Variants in ACYP2 observed in about 807,000 individuals in gnomAD.
ACYP2 encodes the protein acylphosphatase-2.
In ACYP2, 12 loss-of-function variants were observed where a neutral mutation model predicts 11.2. That is an observed-to-expected ratio of 1.08 (90% CI 0.69 to 1.74). The LOEUF (loss-of-function observed/expected upper bound fraction) is 1.74. ACYP2 is among the 40% of genes most tolerant of loss of function. The probability of loss-of-function intolerance (pLI) is 0.00; values close to 1 mark genes in which losing one functional copy is unlikely to be tolerated. For missense variants in ACYP2, 134 were observed against 101.9 expected, an observed-to-expected ratio of 1.31 and a Z score of -1.35; for synonymous variants, 43 against 32.2, an observed-to-expected ratio of 1.33 and a Z score of -1.13.
chr2:54,261,054 T>G (rs1369316766), intron 6 of ACYP2, among the ~76,000 whole-genome samples: 1 of 152,168 alleles, frequency 6.6e-6, no homozygotes, highest in Non-Finnish European at 1.5e-5. Context: ...CCTTTAGAAT[T>G]TTATATTTCT....
intron 4 of ACYP2, among the ~76,000 whole-genome samples, chr2:54,110,971 G>A (rs993058716): frequency 2.0e-5 from 3 of 152,016 alleles, no homozygotes; most frequent in Non-Finnish European, 4.4e-5. Context: ...CACTGGTAGG[G>A]CAGAGATATG....
At chr2:54,124,094 C>A (rs13421534) in intron 4 of ACYP2, among the ~76,000 whole-genome samples, 3,813 of 152,204 alleles carry the variant, frequency 0.025, 155 homozygotes, top group African/African-American at 0.088. Context: ...CACAAAAGGA[C>A]ACATTACAAA....
At chr2:54,174,032 T>C (rs1261098404) in intron 6 of ACYP2, among the ~76,000 whole-genome samples, 3 of 152,218 alleles carry the variant, frequency 2.0e-5, no homozygotes, top group African/African-American at 7.2e-5. Context: ...TTTGGTTCCA[T>C]ATGAACTTTA....
intron 2 of ACYP2, among the ~76,000 whole-genome samples, chr2:53,979,307 A>G (rs1191205806): frequency 6.6e-6 from 1 of 151,976 alleles, no homozygotes; most frequent in African/African-American, 2.4e-5. Context: ...AAATATATAA[A>G]AGTTTTAAAA....
intron 4 of ACYP2, among the ~76,000 whole-genome samples, chr2:54,072,793 C>CTCATTGAA (rs1677135073): frequency 1.3e-5 from 2 of 152,028 alleles, no homozygotes; most frequent in Non-Finnish European, 2.9e-5. Flanking sequence ...GAACTCCTGA[C>CTCATTGAA]CTCAAATGAT....
rs140159279 is a variant in ACYP2 at position 54,284,056 on chromosome 2, A to G, written c.405-20632A>G. On this transcript the variant is annotated intron_variant, in intron 6 of 6. Transcript: ENST00000607452. ...AACCCAGGAGGCGGAGGTTTCAGTG[A>G]GCCGAGATCGTGCCACTGCACTCCA... Among the ~76,000 whole-genome samples the G allele has an allele frequency of 2.0e-3, 299 of 152,364 alleles. 1 individual carries two copies. Among genetic ancestry groups the G allele is most frequent in the African/African-American group, 7.0e-3 (290 of 41,590 alleles).
intron 2 of ACYP2, among the ~76,000 whole-genome samples, chr2:53,975,657 C>T (rs1671439620): frequency 6.6e-6 from 1 of 152,062 alleles, no homozygotes; most frequent in African/African-American, 2.4e-5. Flanking sequence ...ACACTGAAAC[C>T]CCGTCTCTAC....
intron 6 of ACYP2, among the ~76,000 whole-genome samples, chr2:54,233,897 C>T (rs972619472): frequency 6.6e-6 from 1 of 152,134 alleles, no homozygotes; most frequent in South Asian, 2.1e-4. Context: ...GTTTAAGACA[C>T]TTTTATAAGT....
At chr2:54,177,910 T>A (rs1443306094) in intron 6 of ACYP2, among the ~76,000 whole-genome samples, 47 of 143,558 alleles carry the variant, frequency 3.3e-4, no homozygotes, top group Middle Eastern at 3.5e-3. Context: ...TCTTTATTTT[T>A]TTTTTTTTTT....
intron 2 of ACYP2, among the ~76,000 whole-genome samples, chr2:53,997,944 G>C (rs1265941472): frequency 2.0e-5 from 3 of 152,148 alleles, no homozygotes; most frequent in Admixed American, 6.5e-5. Flanking sequence ...CCAAGGTTCA[G>C]ACCTATTGAG....
At chr2:54,232,875 C>A (rs577527186) in intron 6 of ACYP2, among the ~76,000 whole-genome samples, 1 of 152,074 alleles carries the variant, frequency 6.6e-6, no homozygotes, top group Non-Finnish European at 1.5e-5. Flanking sequence ...CCCACCAGGC[C>A]CCTCCCTTGA....
At chr2:54,228,608 T>C (rs954251196) in intron 6 of ACYP2, among the ~76,000 whole-genome samples, 1 of 152,036 alleles carries the variant, frequency 6.6e-6, no homozygotes, top group Non-Finnish European at 1.5e-5. Flanking sequence ...CATCAGTTGG[T>C]GTTAATGGAA....
rs540494488 is a variant in ACYP2, at chr2:54,204,790, T to G, written c.404+66042T>G. On this transcript the variant is annotated intron_variant, in intron 6 of 6. Coordinates refer to ENST00000607452, the MANE Select transcript of ACYP2 (RefSeq NM_001320586.2). ...CTCTCTTGCTGGAAATGCTATTTGC[T>G]TATTAGGCCTCCTGAATCTGTCCTG... is the stretch of plus-strand genomic sequence containing the variant. Among the ~76,000 whole-genome samples the G allele has an allele frequency of 1.6e-4, 25 of 152,374 alleles. No homozygotes were observed. The East Asian group carries it at 4.6e-3, about 28-fold the overall frequency.
intron 4 of ACYP2, among the ~76,000 whole-genome samples, chr2:54,077,994 G>T (rs1677437142): frequency 6.7e-6 from 1 of 149,186 alleles, no homozygotes; most frequent in South Asian, 2.1e-4. Flanking sequence ...TTTCAAGATG[G>T]AGTCTCGCTC....
At chr2:54,044,511 C>T (rs549986599) in intron 2 of ACYP2, among the ~76,000 whole-genome samples, 7 of 151,602 alleles carry the variant, frequency 4.6e-5, no homozygotes, top group Admixed American at 4.6e-4. Context: ...CACCTGAGCC[C>T]GGGAGGTGGA....
chr2:54,224,118 A>T (rs575504466), intron 6 of ACYP2, among the ~76,000 whole-genome samples: 93 of 152,230 alleles, frequency 6.1e-4, no homozygotes, highest in African/African-American at 1.9e-3. Flanking sequence ...TTTTTGTGTG[A>T]CCTAGATCAA....
At chr2:54,172,759 A>C (rs977058951) in intron 6 of ACYP2, among the ~76,000 whole-genome samples, 1 of 152,102 alleles carries the variant, frequency 6.6e-6, no homozygotes, top group Admixed American at 6.5e-5. Flanking sequence ...ATGTGTTCTT[A>C]CTGTTCCATT....
chr2:54,071,126 G>A (rs1348876877), intron 4 of ACYP2, among the ~76,000 whole-genome samples: 1 of 152,070 alleles, frequency 6.6e-6, no homozygotes, highest in Non-Finnish European at 1.5e-5. Flanking sequence ...AGGAATAGAA[G>A]GGAATTTTCT....
intron 4 of ACYP2, among the ~76,000 whole-genome samples, chr2:54,128,613 G>A (rs1434778674): frequency 6.6e-6 from 1 of 152,094 alleles, no homozygotes; most frequent in Non-Finnish European, 1.5e-5. Context: ...ACCATAGTGA[G>A]CTATGATCAC....
Sources: gnomAD v4.1 joint callset for allele counts (sites outside exome capture counted in the v4.1 genomes callset) on GRCh38, gnomAD v4.1.1 for gene constraint, MANE v1.5 for transcripts, NCBI Gene and HGNC (gene_info 2026-07-23, HGNC 2026-07-21) for gene names.